DHX9: variants seen among roughly 807,000 people sequenced by gnomAD.
The protein encoded by DHX9 is ATP-dependent RNA helicase A.
A neutral mutation model predicts 148.7 loss-of-function variants in DHX9; 27 were observed. That is an observed-to-expected ratio of 0.18 (90% confidence interval 0.13 to 0.25). The LOEUF (loss-of-function observed/expected upper bound fraction) is 0.25, where lower values mean the gene tolerates loss of function less well. DHX9 is among the 10% of genes least tolerant of loss of function. The probability of loss-of-function intolerance (pLI) is 1.00; values close to 1 mark genes in which losing one functional copy is unlikely to be tolerated. For missense variants in DHX9, 796 were observed against 1,559.6 expected (o/e 0.51, Z 8.25); for synonymous variants, 529 against 516.6 (o/e 1.02, Z -0.33).
intron 3 of DHX9, among the ~76,000 whole-genome samples, chr1:182,845,644 C>G (rs114543464): frequency 0.017 from 2,629 of 152,252 alleles, 45 homozygotes; most frequent in Non-Finnish European, 0.024. Flanking sequence ...CTCAGTCCCA[C>G]AAGACTCCCC....
At chr1:182,843,859 A>G (rs571771781) in intron 3 of DHX9, among the ~76,000 whole-genome samples, 60 of 152,318 alleles carry the variant, frequency 3.9e-4, no homozygotes, top group African/African-American at 1.3e-3. Context: ...ATGCAGTGAC[A>G]CAACCATAGC....
Position 182,843,501 on chromosome 1 carries a change from A to T in DHX9, c.252+67A>T, listed in dbSNP as rs537321497. On this transcript the variant is annotated intron_variant, in intron 3 of 27. Transcript: ENST00000367549. ...GTTGTACAAACTCAATATGCGTAAG[A>T]GACTCAAGATAGTAATTTTTCACTG... is the stretch of plus-strand genomic sequence containing the variant. 22 of 1,351,374 alleles carry T rather than the reference A, an allele frequency of 1.6e-5. No individual in the cohort carries two copies. In the African/African-American group the frequency reaches 3.0e-4, roughly 19 times the overall value. The allele number at this position is 1,351,374 out of a possible 1,614,324, so 83.7% of individuals were successfully genotyped here.
At chr1:182,858,280 G>T (rs1668291776) in intron 8 of DHX9, 40 bp downstream of exon 8, 1 of 1,594,034 alleles carries the variant, frequency 6.3e-7, no homozygotes. Context: ...GATAGTGTGA[G>T]ATTCAATTTA....
In DHX9 at chr1:182,849,409, T is replaced by TA. The variant is rs779697181; in HGVS notation, c.253-2817dup. Among the ~76,000 whole-genome samples, 9 of 152,120 alleles carry TA rather than the reference T, an allele frequency of 5.9e-5. No individual in the cohort carries two copies. The East Asian group carries it at 1.2e-3, about 19-fold the overall frequency. ...TTTAACTAAAACATAATTCTTTTTT[T>TA]AAAAAAAGTATTATAATCAAACCTA... On this transcript the variant is annotated intron_variant, in intron 3 of 27. Coordinates refer to ENST00000367549, the MANE Select transcript of DHX9 (RefSeq NM_001357.5).
chr1:182,884,586 T>C (rs1571324232), intron 26 of DHX9, 27 bp from the exon 27 acceptor site: 2 of 1,605,160 alleles, frequency 1.2e-6, no homozygotes, highest in Non-Finnish European at 1.7e-6. Context: ...CTCCCTCTCT[T>C]ATTTTTAATG....
chr1:182,863,984 G>T (rs1648164300), intron 12 of DHX9, among the ~76,000 whole-genome samples: 1 of 152,116 alleles, frequency 6.6e-6, no homozygotes, highest in Non-Finnish European at 1.5e-5. Flanking sequence ...ACCAGCCTGG[G>T]CAACATGGCG....
chr1:182,869,511 C>G lies in DHX9; in HGVS notation c.1557+2468C>G, dbSNP rs557418184. 2.6e-5 allele frequency among the ~76,000 whole-genome samples: 4 copies of G among 152,260 alleles called. No individual in the cohort carries two copies. In the South Asian group the frequency reaches 8.3e-4, roughly 32 times the overall value. On this transcript the variant is annotated intron_variant, in intron 14 of 27. Transcript: ENST00000367549. ...TTGGTCTGGTCTTGTCTGGTCCTGA[C>G]AGGTCTTGTCTGGTTTGGTCCAGTC...
chr1:182,845,736 C>T (rs1557963311), intron 3 of DHX9, among the ~76,000 whole-genome samples: 1 of 152,188 alleles, frequency 6.6e-6, no homozygotes, highest in Admixed American at 6.5e-5. Flanking sequence ...TCATGACTGC[C>T]TCTTTGGGGT....
At chr1:182,856,502 T>A in intron 6 of DHX9, 30 bp from the exon 7 acceptor site, 1 of 1,609,692 alleles carries the variant, frequency 6.2e-7, no homozygotes, top group Non-Finnish European at 8.5e-7. Flanking sequence ...ACAGTGAAAT[T>A]TCTAACCTTG....
intron 3 of DHX9, among the ~76,000 whole-genome samples, chr1:182,851,087 G>T (rs142659873): frequency 3.3e-5 from 5 of 152,116 alleles, no homozygotes; most frequent in Middle Eastern, 3.2e-3. Context: ...CTGTGCCTTG[G>T]TTATTAGGGC....
intron 12 of DHX9, among the ~76,000 whole-genome samples, chr1:182,865,924 C>T (rs1648274749): frequency 6.6e-6 from 1 of 152,140 alleles, no homozygotes; most frequent in Non-Finnish European, 1.5e-5. Flanking sequence ...AATAGCAATA[C>T]ACACAGTTTT....
chr1:182,844,108 C>T (rs1344373588), intron 3 of DHX9, among the ~76,000 whole-genome samples: 1 of 152,012 alleles, frequency 6.6e-6, no homozygotes, highest in Non-Finnish European at 1.5e-5. Flanking sequence ...CCATGATGCC[C>T]AGCTATTTTT....
At chr1:182,877,569 A>T (rs1480245509) in intron 19 of DHX9, 1 of 157,138 alleles carries the variant, frequency 6.4e-6, no homozygotes, top group Non-Finnish European at 1.4e-5. Flanking sequence ...TGTATGTAAC[A>T]TTGAAGGAAT....
intron 15 of DHX9, 44 bp downstream of exon 15, chr1:182,872,537 G>A (rs1648592001): frequency 4.5e-6 from 7 of 1,560,284 alleles, no homozygotes; most frequent in South Asian, 2.4e-5. Flanking sequence ...TGTGCAATAG[G>A]GTTTGTATTT....
intron 14 of DHX9, among the ~76,000 whole-genome samples, chr1:182,867,475 T>A (rs1648350388): frequency 6.6e-6 from 1 of 152,188 alleles, no homozygotes; most frequent in African/African-American, 2.4e-5. Context: ...CGATCTCAGC[T>A]CACAGCAACC....
At chr1:182,843,618 A>C (rs533374804) in intron 3 of DHX9, among the ~76,000 whole-genome samples, 184 bp downstream of exon 3, 1 of 152,208 alleles carries the variant, frequency 6.6e-6, no homozygotes, top group Admixed American at 6.5e-5. Context: ...TTGCATCCTT[A>C]TTATATACCT....
intron 27 of DHX9, among the ~76,000 whole-genome samples, chr1:182,885,505 A>G (rs368262362): frequency 6.6e-6 from 1 of 152,244 alleles, no homozygotes; most frequent in Non-Finnish European, 1.5e-5. Context: ...GAACATGGCC[A>G]CAATACCACA....
In DHX9 at chr1:182,868,520, C is replaced by CTTTTTT. The variant is rs59218081; in HGVS notation, c.1557+1486_1557+1491dup. On this transcript the variant is annotated intron_variant, in intron 14 of 27. Transcript: ENST00000367549. ...GATAATCTAACACTTATTTTAATTCCTTTTTTTTTTTTTTGAGGAGTCTTG... is the reference window on the plus strand; with the variant it reads ...GATAATCTAACACTTATTTTAATTCCTTTTTTTTTTTTTTTTTTTTGAGGAGTCTTG... 4.4e-4 allele frequency among the ~76,000 whole-genome samples: 56 copies of CTTTTTT among 127,514 alleles called. 2 individuals are homozygous for CTTTTTT. The highest frequency in any genetic ancestry group is 1.1e-3 in the Admixed American group (14 of 13,046). 83.7% of individuals were successfully genotyped at this position (127,514 alleles called of 152,430 possible).
intron 3 of DHX9, among the ~76,000 whole-genome samples, chr1:182,849,460 A>G (rs966623453): frequency 3.3e-5 from 5 of 152,260 alleles, no homozygotes; most frequent in African/African-American, 1.2e-4. Context: ...AATAGTGTCA[A>G]TATAATGAGA....
Sources: allele counts gnomAD v4.1 joint callset (sites outside exome capture counted in the v4.1 genomes callset), GRCh38; gene constraint gnomAD v4.1.1; transcripts MANE v1.5; gene names NCBI Gene and HGNC (gene_info 2026-07-23, HGNC 2026-07-21).